LRRC37A: variants seen among roughly 807,000 people sequenced by gnomAD.
LRRC37A encodes the protein leucine-rich repeat-containing protein 37A.
Under a neutral mutation model 35.4 loss-of-function variants are expected in LRRC37A, and 3 were observed. That is an observed-to-expected ratio of 0.08 (90% CI 0.04 to 0.22). The LOEUF is 0.22. Ranked by LOEUF, LRRC37A falls within the 10% of genes least tolerant of loss-of-function variation. The pLI is 1.00. For missense variants in LRRC37A, 67 were observed against 565.3 expected, an observed-to-expected ratio of 0.12 and a Z score of 8.94; for synonymous variants, 23 against 215.0, an observed-to-expected ratio of 0.11 and a Z score of 7.81.
chr17:46,275,244 CT>C, the LRRC37A span: 1 of 409,864 alleles, frequency 2.4e-6, no homozygotes, highest in African/African-American at 2.3e-5. Context: ...TATAATTGGA[CT>C]GTTATGACCA....
At chr17:46,250,888 TCTTCCTCTTCCTCTTCCTCTC>T in the LRRC37A span, among the ~76,000 whole-genome samples, 7 of 111,684 alleles carry the variant, frequency 6.3e-5, no homozygotes, top group South Asian at 2.4e-4. Flanking sequence ...CTCTTCCTTC[TCTTCCTCTTCCTCTTCCTCTC>T]CTTCCTCTTC....
At chr17:46,270,891 C>T in the LRRC37A span, among the ~76,000 whole-genome samples, 3 of 152,222 alleles carry the variant, frequency 2.0e-5, no homozygotes, top group Admixed American at 2.0e-4. Flanking sequence ...CAGAGCGAGA[C>T]TCTGTCTGAA....
At chr17:46,266,152 T>G in the LRRC37A span, among the ~76,000 whole-genome samples, 5 of 152,172 alleles carry the variant, frequency 3.3e-5, no homozygotes, top group Non-Finnish European at 5.9e-5. Flanking sequence ...TCATCTGGAA[T>G]CTCCTCCCTT....
the LRRC37A span, among the ~76,000 whole-genome samples, chr17:46,273,708 AT>A: frequency 6.6e-6 from 1 of 152,282 alleles, no homozygotes; most frequent in Non-Finnish European, 1.5e-5. Context: ...CAGTAATACA[AT>A]GTGTAAGAAC....
At chr17:46,310,354 T>TA (rs1241312016) in intron 5 of LRRC37A, 1 of 125,660 alleles carries the variant, frequency 8.0e-6, no homozygotes, top group African/African-American at 2.7e-5. Flanking sequence ...CAGAACCACT[T>TA]ACAAGCTTTG....
chr17:46,278,460 A>C, the LRRC37A span, among the ~76,000 whole-genome samples: 1 of 150,722 alleles, frequency 6.6e-6, no homozygotes, highest in South Asian at 2.1e-4. Context: ...GCTAGAGTGC[A>C]GTGGTGTGAT....
At chr17:46,283,219 C>A in the LRRC37A span, among the ~76,000 whole-genome samples, 1 of 152,192 alleles carries the variant, frequency 6.6e-6, no homozygotes. Context: ...CCCCACCAGC[C>A]TTGCTAAAAG....
chr17:46,273,447 T>A, the LRRC37A span, among the ~76,000 whole-genome samples: 2 of 152,260 alleles, frequency 1.3e-5, no homozygotes, highest in Admixed American at 1.3e-4. Flanking sequence ...GAATAACCTG[T>A]ACACCTGAGC....
chr17:46,271,145 A>G, the LRRC37A span, among the ~76,000 whole-genome samples: 2 of 150,722 alleles, frequency 1.3e-5, no homozygotes, highest in Non-Finnish European at 3.0e-5. Context: ...AAGAAATCTG[A>G]GACCTATGGT....
At chr17:46,258,536 A>G in the LRRC37A span, among the ~76,000 whole-genome samples, 3 of 151,970 alleles carry the variant, frequency 2.0e-5, no homozygotes, top group African/African-American at 7.3e-5. Context: ...ACACATGTTT[A>G]TAGTAGCACT....
At chr17:46,261,160 A>C in the LRRC37A span, among the ~76,000 whole-genome samples, 1 of 152,238 alleles carries the variant, frequency 6.6e-6, no homozygotes, top group Non-Finnish European at 1.5e-5. Flanking sequence ...TCACCACTAA[A>C]GAACTTACTT....
the LRRC37A span, among the ~76,000 whole-genome samples, chr17:46,258,191 C>T: frequency 6.6e-6 from 1 of 151,880 alleles, no homozygotes; most frequent in African/African-American, 2.4e-5. Flanking sequence ...AGAGTTCAGT[C>T]TTTCTAAGTC....
the LRRC37A span, among the ~76,000 whole-genome samples, chr17:46,275,954 G>A: frequency 0.12 from 18,483 of 151,688 alleles, no homozygotes; most frequent in Non-Finnish European, 0.18. Flanking sequence ...GCAAAGGCGC[G>A]ATCTTGGCTC....
rs1268069886 is a variant in LRRC37A, at chr17:46,333,164, T to A, written c.4809+508T>A. On this transcript the variant is annotated intron_variant, in intron 10 of 13. Transcript: ENST00000320254. ...AAGGCATTGTCTAAATAGGTCCAGT[T>A]AAAGCACTACAGAGTAGCCATCTTT... is the stretch of plus-strand genomic sequence containing the variant. Among the ~76,000 whole-genome samples, 2 of 105,296 alleles carry A rather than the reference T, an allele frequency of 1.9e-5. 1 individual carries two copies. The highest frequency in any genetic ancestry group is 4.6e-5 in the Non-Finnish European group (2 of 43,890). The allele number at this position is 105,296 out of a possible 152,430, so 69.1% of individuals were successfully genotyped here.
upstream of LRRC37A, among the ~76,000 whole-genome samples, chr17:46,291,969 C>CAAAAAAAA (rs59554870): frequency 1.2e-3 from 67 of 58,056 alleles, no homozygotes; most frequent in Non-Finnish European, 1.5e-3. Flanking sequence ...TCTCAAAAAG[C>CAAAAAAAA]AAAAAAAAAA....
chr17:46,291,621 AT>A (rs1428823382), upstream of LRRC37A, among the ~76,000 whole-genome samples: 1 of 152,126 alleles, frequency 6.6e-6, no homozygotes, highest in Non-Finnish European at 1.5e-5. Context: ...AATGTGTAAT[AT>A]GAAAAAAAGA....
chr17:46,263,330 T>C, the LRRC37A span, among the ~76,000 whole-genome samples: 2 of 150,834 alleles, frequency 1.3e-5, no homozygotes, highest in South Asian at 4.2e-4. Flanking sequence ...GGTGGGCAGA[T>C]TACTTGGCCC....
At chr17:46,278,384 C>T in the LRRC37A span, among the ~76,000 whole-genome samples, 16,359 of 143,822 alleles carry the variant, frequency 0.11, 2 homozygotes, top group Middle Eastern at 0.18. Context: ...TTGTTTTGTT[C>T]TGTTTTGTTT....
the LRRC37A span, among the ~76,000 whole-genome samples, chr17:46,256,299 C>T: frequency 1.3e-5 from 2 of 152,042 alleles, no homozygotes; most frequent in Non-Finnish European, 2.9e-5. Flanking sequence ...GTGGGAGAAT[C>T]GCTTGAACCC....
Sources: allele counts gnomAD v4.1 joint callset (sites outside exome capture counted in the v4.1 genomes callset), GRCh38; gene constraint gnomAD v4.1.1; transcripts MANE v1.5; gene names NCBI Gene and HGNC (gene_info 2026-07-23, HGNC 2026-07-21).